The following CYSTM1 variants were observed in gnomAD, a reference collection of about 807,000 sequenced individuals.
The protein encoded by CYSTM1 is cysteine-rich transmembrane module-containing protein 1.
CYSTM1 carries 4 observed loss-of-function variants against 13.1 expected under a neutral mutation model. That is an observed-to-expected ratio of 0.31 (90% CI 0.15 to 0.70). The LOEUF is 0.70. Ranked by LOEUF, CYSTM1 falls within the 30% of genes least tolerant of loss-of-function variation. CYSTM1 has a pLI of 0.72. For missense variants in CYSTM1, 96 were observed against 121.6 expected (o/e 0.79, Z 0.99); for synonymous variants, 36 against 42.7 (o/e 0.84, Z 0.62).
Position 140,215,209 on chromosome 5 carries a change from A to C in CYSTM1, c.187+20557A>C, listed in dbSNP as rs1581067513. On this transcript the variant is annotated intron_variant, in intron 2 of 2. Coordinates refer to ENST00000261811, the MANE Select transcript of CYSTM1 (RefSeq NM_032412.4). Reference sequence around the variant, plus strand: ...TACTAGTAGAATTTGGTGCCTTTTAAAAAATCAATTATATTCTGCTTATAT... The same window carrying C: ...TACTAGTAGAATTTGGTGCCTTTTACAAAATCAATTATATTCTGCTTATAT... Among the ~76,000 whole-genome samples, 8 of 152,342 alleles carry C rather than the reference A, an allele frequency of 5.3e-5. 1 individual carries two copies. The highest frequency in any genetic ancestry group is 5.2e-4 in the Admixed American group (8 of 15,310).
chr5:140,224,391 G>A (rs1359955853), intron 2 of CYSTM1, among the ~76,000 whole-genome samples: 5 of 152,010 alleles, frequency 3.3e-5, no homozygotes, highest in African/African-American at 4.8e-5. Context: ...CGCCCGCCTC[G>A]GCCTCCCAAA....
At position 140,183,015 on chromosome 5, in the gene CYSTM1, A is replaced by AACCAGGAGCGCTTAGTTAAATTGCC. The variant is rs1430578034; in HGVS notation, c.-21+7732_-21+7756dup. 2.2e-4 allele frequency among the ~76,000 whole-genome samples: 33 copies of AACCAGGAGCGCTTAGTTAAATTGCC among 152,296 alleles called. 1 individual carries two copies. Among genetic ancestry groups the AACCAGGAGCGCTTAGTTAAATTGCC allele is most frequent in the African/African-American group, 7.0e-4 (29 of 41,564 alleles). On this transcript the variant is annotated intron_variant, in intron 1 of 2. Transcript: ENST00000261811. ...CCAGGCTGGCTTGGTATTCATCAGGAACCAGGAGCGCTTAGTTAAATTGCC... is the reference window on the plus strand; with the variant it reads ...CCAGGCTGGCTTGGTATTCATCAGGAACCAGGAGCGCTTAGTTAAATTGCCACCAGGAGCGCTTAGTTAAATTGCC...
At position 140,219,022 on chromosome 5, in the gene CYSTM1, G is replaced by C. The variant is rs1764461184; in HGVS notation, c.188-24283G>C. Among the ~76,000 whole-genome samples, 1 of 152,102 alleles carries C rather than the reference G, an allele frequency of 6.6e-6. No homozygotes were observed. The highest frequency in any genetic ancestry group is 2.4e-5 in the African/African-American group (1 of 41,426). ...ATGATTGTGGAGACTTTTTAAATCT[G>C]GCTTCAGTGACAAGCTGGCCAAGCC... is the stretch of plus-strand genomic sequence containing the variant. On this transcript the variant is annotated intron_variant, in intron 2 of 2. Coordinates refer to ENST00000261811, the MANE Select transcript of CYSTM1 (RefSeq NM_032412.4). This position sits in a 1 kb window ranked among gnomAD's most constrained non-coding sequence, Gnocchi z 4.1.
intron 1 of CYSTM1, among the ~76,000 whole-genome samples, chr5:140,177,906 C>T (rs1763911490): frequency 6.6e-6 from 1 of 152,176 alleles, no homozygotes; most frequent in Non-Finnish European, 1.5e-5. Flanking sequence ...ACAGTCCACC[C>T]CCTCCTTTCC....
intron 1 of CYSTM1, among the ~76,000 whole-genome samples, chr5:140,179,221 C>A (rs560888910): frequency 1.1e-3 from 163 of 151,566 alleles, no homozygotes; most frequent in African/African-American, 3.6e-3. Context: ...GATCACGCCA[C>A]CGCACTCCAG....
intron 2 of CYSTM1, among the ~76,000 whole-genome samples, chr5:140,218,289 A>G (rs1179289560): frequency 6.6e-6 from 1 of 152,166 alleles, no homozygotes; most frequent in Non-Finnish European, 1.5e-5. Flanking sequence ...TTCATTGTGT[A>G]AAATGCAACT....
chr5:140,222,241 T>G (rs1446735781), intron 2 of CYSTM1, among the ~76,000 whole-genome samples: 4 of 152,246 alleles, frequency 2.6e-5, no homozygotes, highest in Admixed American at 2.6e-4. Flanking sequence ...GTCTTCCAGT[T>G]TTTGTAATCT....
intron 1 of CYSTM1, among the ~76,000 whole-genome samples, chr5:140,182,143 C>T (rs973676218): frequency 6.6e-6 from 1 of 152,180 alleles, no homozygotes; most frequent in South Asian, 2.1e-4. Flanking sequence ...TACTACATCA[C>T]CTGTCACAAA....
chr5:140,189,216 T>C (rs1764060623), intron 1 of CYSTM1, among the ~76,000 whole-genome samples: 1 of 152,098 alleles, frequency 6.6e-6, no homozygotes, highest in Admixed American at 6.5e-5. Context: ...GTCATAGGGG[T>C]GTATCCTTCA....
chr5:140,227,755 TA>T (rs1764574897), intron 2 of CYSTM1, among the ~76,000 whole-genome samples: 1 of 152,108 alleles, frequency 6.6e-6, no homozygotes, highest in African/African-American at 2.4e-5. Flanking sequence ...CAAGGCATTC[TA>T]AAACTAGCTA....
chr5:140,241,859 G>T (rs1409686620), intron 2 of CYSTM1, among the ~76,000 whole-genome samples: 1 of 152,188 alleles, frequency 6.6e-6, no homozygotes, highest in Non-Finnish European at 1.5e-5. Context: ...TTCTCTTTCT[G>T]ATCCCTTTTC....
rs1764608692 is a variant in CYSTM1, at chr5:140,230,628, C to A, written c.188-12677C>A. Among the ~76,000 whole-genome samples, 1 of 152,246 alleles carries A rather than the reference C, an allele frequency of 6.6e-6. No homozygotes were observed. ...CATCAGCAGGCTCATTCTGTCCAAA[C>A]TCCAGCTGGCCATATTGGTTCTAAC... On this transcript the variant is annotated intron_variant, in intron 2 of 2. Coordinates refer to ENST00000261811, the MANE Select transcript of CYSTM1 (RefSeq NM_032412.4). This position sits in a 1 kb window ranked among gnomAD's most constrained non-coding sequence, Gnocchi z 4.1.
intron 2 of CYSTM1, among the ~76,000 whole-genome samples, chr5:140,196,998 C>T (rs1161061185): frequency 1.3e-5 from 2 of 152,132 alleles, no homozygotes; most frequent in Admixed American, 6.6e-5. Context: ...CTTTGCTGTA[C>T]GTTTTATGTC....
chr5:140,206,921 C>T (rs1467964775), intron 2 of CYSTM1, among the ~76,000 whole-genome samples: 1 of 152,156 alleles, frequency 6.6e-6, no homozygotes, highest in Non-Finnish European at 1.5e-5. Context: ...CAGGCGTGTG[C>T]CACCAAGGCT....
At chr5:140,191,710 C>T (rs1764097870) in intron 1 of CYSTM1, among the ~76,000 whole-genome samples, 1 of 152,106 alleles carries the variant, frequency 6.6e-6, no homozygotes, top group Non-Finnish European at 1.5e-5. Flanking sequence ...TCAGGTTAAA[C>T]TACAGTTTTA....
At chr5:140,225,306 C>T (rs1295686430) in intron 2 of CYSTM1, among the ~76,000 whole-genome samples, 1 of 152,236 alleles carries the variant, frequency 6.6e-6, no homozygotes, top group Non-Finnish European at 1.5e-5. Context: ...TAGGCAGATA[C>T]AGGTGAATCC....
At chr5:140,176,929 C>T (rs1178121434) in intron 1 of CYSTM1, among the ~76,000 whole-genome samples, 2 of 151,876 alleles carry the variant, frequency 1.3e-5, no homozygotes, top group Non-Finnish European at 2.9e-5. Context: ...ATAAGCCGGG[C>T]GTGGTGGCGG....
rs1348086833 is a variant in CYSTM1 at position 140,230,399 on chromosome 5, G to A, written c.188-12906G>A. Among the ~76,000 whole-genome samples the A allele has an allele frequency of 6.6e-6, 1 of 152,190 alleles. No individual in the cohort carries two copies. Among genetic ancestry groups the A allele is most frequent in the Admixed American group, 6.5e-5 (1 of 15,280 alleles). ...GATTCCAGCTCAAATCTGTCTCCCTGTCCTGGCTTTAAGGCAGTAATTTTA... is the reference window on the plus strand; with the variant it reads ...GATTCCAGCTCAAATCTGTCTCCCTATCCTGGCTTTAAGGCAGTAATTTTA... On this transcript the variant is annotated intron_variant, in intron 2 of 2. Transcript: ENST00000261811. This position sits in a 1 kb window ranked among gnomAD's most constrained non-coding sequence, Gnocchi z 4.1.
At chr5:140,194,675 G>A (rs1561810375) in intron 2 of CYSTM1, 23 bp downstream of exon 2, 3 of 1,596,782 alleles carry the variant, frequency 1.9e-6, no homozygotes, top group Admixed American at 1.8e-5. Context: ...GAATATGTGG[G>A]TGTGCAGTCC....
Sources: allele counts gnomAD v4.1 joint callset (sites outside exome capture counted in the v4.1 genomes callset), GRCh38; gene constraint gnomAD v4.1.1; non-coding constraint Gnocchi (gnomAD v3.1); transcripts MANE v1.5; gene names NCBI Gene and HGNC (gene_info 2026-07-23, HGNC 2026-07-21).